CADM2: variants seen among roughly 807,000 people sequenced by gnomAD.
The protein encoded by CADM2 is immunoglobulin superfamily member 4D.
In CADM2, 12 loss-of-function variants were observed where a neutral mutation model predicts 49.8. The ratio of observed to expected loss-of-function variants is 0.24; its 90% CI spans 0.15 to 0.39. The LOEUF (loss-of-function observed/expected upper bound fraction) is 0.39. CADM2 is among the 10% of genes least tolerant of loss of function. CADM2 has a pLI of 1.00. For missense variants in CADM2, 378 were observed against 492.3 expected (o/e 0.77, Z 2.20); for synonymous variants, 214 against 175.4 (o/e 1.22, Z -1.74).
At chr3:84,969,348 G>C (rs1044629381) in intron 1 of CADM2, among the ~76,000 whole-genome samples, 1 of 151,898 alleles carries the variant, frequency 6.6e-6, no homozygotes, top group African/African-American at 2.4e-5. Context: ...AGTTTTAGTA[G>C]ACAAAAGAAT....
chr3:86,017,474 G>C (rs945030371), intron 8 of CADM2, among the ~76,000 whole-genome samples: 12 of 152,166 alleles, frequency 7.9e-5, no homozygotes, highest in African/African-American at 2.6e-4. Context: ...GCACATGCCT[G>C]TAATCCAGCA....
chr3:86,051,023 A>AT (rs1278331048), intron 8 of CADM2, among the ~76,000 whole-genome samples: 1 of 152,020 alleles, frequency 6.6e-6, no homozygotes, highest in Non-Finnish European at 1.5e-5. Flanking sequence ...TTTCTACCAC[A>AT]TGGCCAGGTT....
chr3:85,238,974 A>G (rs542825928), intron 1 of CADM2, among the ~76,000 whole-genome samples: 4 of 151,904 alleles, frequency 2.6e-5, no homozygotes, highest in Non-Finnish European at 5.9e-5. Flanking sequence ...ACTGAAGGTT[A>G]AAGCCAGAAT....
chr3:86,056,399 C>A (rs1043142799), intron 8 of CADM2, among the ~76,000 whole-genome samples: 1 of 152,306 alleles, frequency 6.6e-6, no homozygotes, highest in South Asian at 2.1e-4. Context: ...ATACCATGTT[C>A]GGATACATTT....
intron 3 of CADM2, among the ~76,000 whole-genome samples, chr3:85,880,669 G>C (rs988364750): frequency 5.3e-5 from 8 of 152,140 alleles, no homozygotes; most frequent in Non-Finnish European, 1.2e-4. Context: ...ATTTGAATTT[G>C]TATTCTCTTA....
chr3:85,175,828 A>G lies in CADM2; in HGVS notation c.61+216160A>G, dbSNP rs565969890. Among the ~76,000 whole-genome samples the G allele has an allele frequency of 8.5e-5, 13 of 152,232 alleles. No homozygotes were observed. The South Asian group carries it at 2.7e-3, about 32-fold the overall frequency. Reference sequence around the variant, plus strand: ...GAAGTATTACAAGAAGCGGAGTAACAAGAGTAAAAAAGCCTCTGATAAAAA... The same window carrying G: ...GAAGTATTACAAGAAGCGGAGTAACGAGAGTAAAAAAGCCTCTGATAAAAA... On this transcript the variant is annotated intron_variant, in intron 1 of 9. Transcript: ENST00000383699.
intron 2 of CADM2, among the ~76,000 whole-genome samples, chr3:85,737,282 A>G (rs893689809): frequency 6.6e-6 from 1 of 152,212 alleles, no homozygotes; most frequent in Admixed American, 6.5e-5. Flanking sequence ...GATTCTCGTA[A>G]TCGAAAATTT....
intron 1 of CADM2, among the ~76,000 whole-genome samples, chr3:85,120,772 C>T (rs1046891505): frequency 7.2e-5 from 11 of 152,012 alleles, no homozygotes; most frequent in Middle Eastern, 3.4e-3. Context: ...CACGTGTATA[C>T]CTATGTAACA....
chr3:85,084,307 T>C (rs899335832), intron 1 of CADM2, among the ~76,000 whole-genome samples: 2 of 152,196 alleles, frequency 1.3e-5, no homozygotes, highest in African/African-American at 4.8e-5. Flanking sequence ...AAATGTGCCT[T>C]TAGCAAAAAG....
At chr3:85,736,160 C>T (rs7615542) in intron 2 of CADM2, among the ~76,000 whole-genome samples, 9 of 151,922 alleles carry the variant, frequency 5.9e-5, no homozygotes, top group East Asian at 1.9e-4. Flanking sequence ...TAAAATAAAA[C>T]GAAAGAAAAT....
intron 1 of CADM2, among the ~76,000 whole-genome samples, chr3:85,292,752 A>T (rs1038445961): frequency 6.6e-6 from 1 of 152,224 alleles, no homozygotes. Flanking sequence ...GAGAACAAAG[A>T]CACAACATAC....
intron 1 of CADM2, among the ~76,000 whole-genome samples, chr3:85,247,733 A>G (rs1268901584): frequency 1.3e-5 from 2 of 152,110 alleles, no homozygotes; most frequent in African/African-American, 4.8e-5. Flanking sequence ...ATGTTTGCTG[A>G]TGCTGATTTA....
At chr3:85,422,402 C>A (rs552015530) in intron 1 of CADM2, among the ~76,000 whole-genome samples, 1 of 152,010 alleles carries the variant, frequency 6.6e-6, no homozygotes, top group Non-Finnish European at 1.5e-5. Flanking sequence ...CTCAGCTTCC[C>A]GAGTAGCTGG....
chr3:85,878,311 T>G (rs916057382), intron 3 of CADM2, among the ~76,000 whole-genome samples: 1 of 152,094 alleles, frequency 6.6e-6, no homozygotes, highest in African/African-American at 2.4e-5. Context: ...CTGAGACATA[T>G]TTAAGTAACT....
intron 1 of CADM2, among the ~76,000 whole-genome samples, chr3:85,116,559 T>G (rs1019843990): frequency 6.6e-6 from 1 of 152,196 alleles, no homozygotes; most frequent in African/African-American, 2.4e-5. Flanking sequence ...CACGTTTGAT[T>G]ATATCAAACT....
chr3:85,716,609 T>A (rs554912131), intron 1 of CADM2, among the ~76,000 whole-genome samples: 56 of 152,346 alleles, frequency 3.7e-4, no homozygotes, highest in Non-Finnish European at 5.0e-4. Flanking sequence ...TAGGTTTTAT[T>A]CTAGGGTTTT....
chr3:85,331,791 C>T (rs555629271), intron 1 of CADM2, among the ~76,000 whole-genome samples: 1 of 152,148 alleles, frequency 6.6e-6, no homozygotes, highest in South Asian at 2.1e-4. Flanking sequence ...TCATTACGGC[C>T]TGTCTTTTGG....
intron 1 of CADM2, among the ~76,000 whole-genome samples, chr3:85,592,983 A>T (rs1397557925): frequency 6.6e-6 from 1 of 151,796 alleles, no homozygotes; most frequent in Non-Finnish European, 1.5e-5. Flanking sequence ...TAGTTTGCTG[A>T]TTTTAAAGGG....
At chr3:85,865,359 G>A (rs1351755116) in intron 3 of CADM2, among the ~76,000 whole-genome samples, 1 of 151,984 alleles carries the variant, frequency 6.6e-6, no homozygotes, top group African/African-American at 2.4e-5. Context: ...TAAAAGATTG[G>A]TCCTCCAAAT....
Sources: allele counts gnomAD v4.1 joint callset (sites outside exome capture counted in the v4.1 genomes callset), GRCh38; gene constraint gnomAD v4.1.1; transcripts MANE v1.5; gene names NCBI Gene and HGNC (gene_info 2026-07-23, HGNC 2026-07-21).